The following AHI1 variants were observed in gnomAD, a reference collection of about 807,000 sequenced individuals.
The protein encoded by AHI1 is Abelson helper integration site 1.
Under a neutral mutation model 149.3 loss-of-function variants are expected in AHI1, and 123 were observed. The observed-to-expected ratio is 0.82, with a 90% CI of 0.71 to 0.96. The LOEUF (loss-of-function observed/expected upper bound fraction) is 0.96. AHI1 is among the 40% of genes least tolerant of loss of function. The probability of loss-of-function intolerance (pLI) is 0.00; values close to 1 mark genes in which losing one functional copy is unlikely to be tolerated. For missense variants in AHI1, 1,439 were observed against 1,422.7 expected, an observed-to-expected ratio of 1.01 and a Z score of -0.18; for synonymous variants, 475 against 459.8, an observed-to-expected ratio of 1.03 and a Z score of -0.42.
chr6:135,416,790 T>C (rs1206440475), intron 20 of AHI1, among the ~76,000 whole-genome samples: 1 of 152,018 alleles, frequency 6.6e-6, no homozygotes, highest in Non-Finnish European at 1.5e-5. Context: ...ACCAGCTCAA[T>C]AATAATTGGT....
At chr6:135,297,462 T>C in intron 27 of AHI1, 1 of 456,332 alleles carries the variant, frequency 2.2e-6, no homozygotes, top group Non-Finnish European at 4.4e-6. Flanking sequence ...TAGCTATGCA[T>C]ATTCCTCCTG....
chr6:135,478,824 T>C (rs1299285173), intron 5 of AHI1, among the ~76,000 whole-genome samples: 2 of 151,918 alleles, frequency 1.3e-5, no homozygotes, highest in Non-Finnish European at 2.9e-5. Flanking sequence ...GAGGAAAAAA[T>C]GGTTTCATGG....
chr6:135,369,533 G>A (rs1387118111), intron 23 of AHI1, among the ~76,000 whole-genome samples: 1 of 152,112 alleles, frequency 6.6e-6, no homozygotes, highest in Non-Finnish European at 1.5e-5. Context: ...TCTTTAATTA[G>A]AGGAAAACTA....
At chr6:135,332,319 C>T (rs1025779939) in intron 24 of AHI1, among the ~76,000 whole-genome samples, 7 of 152,190 alleles carry the variant, frequency 4.6e-5, no homozygotes, top group Admixed American at 3.9e-4. Flanking sequence ...CTGCCTGCCT[C>T]GGCTTCCAAA....
At chr6:135,303,430 G>A (rs1161664312) in intron 26 of AHI1, among the ~76,000 whole-genome samples, 1 of 152,000 alleles carries the variant, frequency 6.6e-6, no homozygotes, top group Non-Finnish European at 1.5e-5. Context: ...TATCTACTTT[G>A]TAGGAGTTTT....
intron 23 of AHI1, among the ~76,000 whole-genome samples, chr6:135,361,685 ACACACACACG>A (rs1793905793): frequency 7.0e-6 from 1 of 143,876 alleles, no homozygotes; most frequent in South Asian, 2.1e-4. Flanking sequence ...ACACACACAC[ACACACACACG>A]TGTGTATATT....
intron 23 of AHI1, among the ~76,000 whole-genome samples, chr6:135,394,060 G>A (rs1042354802): frequency 6.6e-6 from 1 of 151,848 alleles, no homozygotes; most frequent in Non-Finnish European, 1.5e-5. Flanking sequence ...CTTCTCATAC[G>A]CAAATTTTCT....
chr6:135,444,497 A>T (rs142242616), intron 13 of AHI1, among the ~76,000 whole-genome samples: 1 of 152,294 alleles, frequency 6.6e-6, no homozygotes, highest in East Asian at 1.9e-4. Context: ...CTTTGCCTTC[A>T]TATGAAATAC....
At chr6:135,435,677 T>A (rs1785292087) in intron 15 of AHI1, among the ~76,000 whole-genome samples, 1 of 152,178 alleles carries the variant, frequency 6.6e-6, no homozygotes, top group African/African-American at 2.4e-5. Context: ...TAAAGTCTTT[T>A]AAAAAATTAA....
chr6:135,398,362 C>A (rs2179781), intron 22 of AHI1, among the ~76,000 whole-genome samples: 90,945 of 151,846 alleles, frequency 0.6, 27,443 homozygotes, highest in Middle Eastern at 0.71. Flanking sequence ...ATTTGGAAGA[C>A]AACACTGTAA....
chr6:135,433,230 G>A lies in AHI1; in HGVS notation c.2063C>T (p.Thr688Ile). 1 of 1,608,234 alleles carries A rather than the reference G, an allele frequency of 6.2e-7. No individual in the cohort carries two copies. Among genetic ancestry groups the A allele is most frequent in the South Asian group, 1.1e-5 (1 of 90,928 alleles). ...ARIWKNEINN[T>I]NTFRVLPHPS... ...ATGAGGTAAAACTCTGAAAGTATTT[G>A]TATTGTTTATTTCATTTTTCCATAT... Residue 688 changes from threonine to isoleucine, a missense_variant, in exon 16 of 29, where the codon ACA becomes ATA. Transcript: ENST00000265602.
chr6:135,309,864 A>T (rs891489923), intron 26 of AHI1, among the ~76,000 whole-genome samples: 3 of 152,160 alleles, frequency 2.0e-5, no homozygotes, highest in African/African-American at 7.2e-5. Flanking sequence ...GTTAGTTTTG[A>T]TTCAGTTCTC....
At chr6:135,435,520 AAGAT>A (rs1272479252) in intron 15 of AHI1, among the ~76,000 whole-genome samples, 2 of 152,170 alleles carry the variant, frequency 1.3e-5, no homozygotes, top group Non-Finnish European at 2.9e-5. Context: ...GATGCCAAAG[AAGAT>A]AAGATGCTAG....
At chr6:135,377,545 A>C (rs749901652) in intron 23 of AHI1, among the ~76,000 whole-genome samples, 4 of 151,988 alleles carry the variant, frequency 2.6e-5, no homozygotes, top group Non-Finnish European at 5.9e-5. Flanking sequence ...CAGCGGCATA[A>C]TCATGGCTCA....
In AHI1 at chr6:135,439,031, A is replaced by G. The variant is rs181519507; in HGVS notation, c.1913-533T>C. On this transcript the variant is annotated intron_variant, in intron 14 of 28. Coordinates refer to ENST00000265602, the MANE Select transcript of AHI1 (RefSeq NM_001134831.2). ...ACACAAAGCACTGTGGTATTTTACT[A>G]TATGTTTAAACATACAATGAAATCT... Among the ~76,000 whole-genome samples the G allele has an allele frequency of 1.6e-4, 25 of 152,324 alleles. 1 individual carries two copies. The South Asian group carries it at 1.7e-3, about 10-fold the overall frequency.
At chr6:135,322,396 T>A (rs1224161966) in intron 25 of AHI1, among the ~76,000 whole-genome samples, 1 of 152,178 alleles carries the variant, frequency 6.6e-6, no homozygotes, top group Non-Finnish European at 1.5e-5. Flanking sequence ...GCTCTCTGCG[T>A]TCGTTCTGTT....
intron 24 of AHI1, among the ~76,000 whole-genome samples, chr6:135,344,575 T>C (rs941209044): frequency 3.9e-5 from 6 of 152,010 alleles, no homozygotes; most frequent in Non-Finnish European, 5.9e-5. Context: ...TATGTGACCA[T>C]ATTTTCCAAA....
In AHI1 at chr6:135,404,736, T is replaced by C. The variant is rs970928773; in HGVS notation, c.2988+215A>G. On this transcript the variant is annotated intron_variant, in intron 22 of 28. Coordinates refer to ENST00000265602, the MANE Select transcript of AHI1 (RefSeq NM_001134831.2). ...ATCTCCATCACTTAGTATTCTTAAA[T>C]CTTTAAAAATGTGAAGCTACTTGCT... 2.6e-5 allele frequency among the ~76,000 whole-genome samples: 4 copies of C among 152,332 alleles called. No homozygotes were observed. In the East Asian group the frequency reaches 7.7e-4, roughly 29 times the overall value.
At chr6:135,494,179 C>G (rs1351845249) in intron 3 of AHI1, among the ~76,000 whole-genome samples, 1 of 152,210 alleles carries the variant, frequency 6.6e-6, no homozygotes, top group Non-Finnish European at 1.5e-5. Flanking sequence ...AATCCATGTC[C>G]TAGAATTAGT....
Sources: allele counts gnomAD v4.1 joint callset (sites outside exome capture counted in the v4.1 genomes callset), GRCh38; gene constraint gnomAD v4.1.1; transcripts MANE v1.5; gene names NCBI Gene and HGNC (gene_info 2026-07-23, HGNC 2026-07-21).